MAP3K5: variants seen among roughly 807,000 people sequenced by gnomAD.
MAP3K5 encodes mitogen-activated protein kinase kinase kinase 5.
In MAP3K5, 56 loss-of-function variants were observed where a neutral mutation model predicts 158.7. The observed-to-expected ratio is 0.35, with a 90% confidence interval of 0.28 to 0.44. The LOEUF is 0.44. Ranked by LOEUF, MAP3K5 falls within the 20% of genes least tolerant of loss-of-function variation. The pLI is 1.00. For missense variants in MAP3K5, 1,294 were observed against 1,674.8 expected, an observed-to-expected ratio of 0.77 and a Z score of 3.97; for synonymous variants, 579 against 601.7, an observed-to-expected ratio of 0.96 and a Z score of 0.55.
chr6:136,574,863 G>A (rs1384373201), intron 25 of MAP3K5, among the ~76,000 whole-genome samples: 1 of 151,660 alleles, frequency 6.6e-6, no homozygotes, highest in African/African-American at 2.4e-5. Flanking sequence ...CTAATTTTTT[G>A]TATCTTTAGT....
At chr6:136,621,709 T>C (rs556986496) in intron 15 of MAP3K5, among the ~76,000 whole-genome samples, 1 of 152,318 alleles carries the variant, frequency 6.6e-6, no homozygotes, top group Non-Finnish European at 1.5e-5. Flanking sequence ...GGTACTCCAC[T>C]TCCCCTAGTT....
rs112178729 is a variant in MAP3K5, at chr6:136,622,912, C to A, written c.2086G>T (p.Ala696Ser). The part of the protein sequence containing the change: ...LGKGTYGIVY[A>S]GRDLSNQVRI... ...ACTTGGTTGCTCAAGTCCCGACCTG[C>A]GTAGACTATCCCATAAGTGCCTTTT... The change falls in exon 15 of 30, where the codon GCA becomes TCA. Residue 696 changes from alanine to serine, a missense_variant. Around this residue, in one of 5 missense-constraint regions of MAP3K5, gnomAD observed 690 missense variants for 870.5 expected, o/e 0.79. Transcript: ENST00000359015. 3.8e-6 allele frequency: 6 copies of A among 1,584,376 alleles called. No individual in the cohort carries two copies. The highest frequency in any genetic ancestry group is 5.2e-6 in the Non-Finnish European group (6 of 1,160,924).
intron 17 of MAP3K5, 96 bp from the exon 18 acceptor site, chr6:136,611,483 C>T (rs1002255219): frequency 1.6e-6 from 1 of 634,984 alleles, no homozygotes; most frequent in Non-Finnish European, 2.9e-6. Context: ...AAAAAGGTGT[C>T]CTTACAGCTA....
intron 14 of MAP3K5, among the ~76,000 whole-genome samples, chr6:136,635,540 A>G (rs1443729846): frequency 6.6e-6 from 1 of 152,094 alleles, no homozygotes; most frequent in East Asian, 1.9e-4. Context: ...TACAAATATC[A>G]AAGCTATACA....
intron 14 of MAP3K5, among the ~76,000 whole-genome samples, chr6:136,631,003 G>T (rs1356174108): frequency 6.6e-6 from 1 of 152,196 alleles, no homozygotes; most frequent in African/African-American, 2.4e-5. Context: ...GAAGGCTGAG[G>T]TGGGAGGATC....
chr6:136,654,424 T>C (rs1778654477), intron 10 of MAP3K5, among the ~76,000 whole-genome samples: 1 of 152,154 alleles, frequency 6.6e-6, no homozygotes, highest in South Asian at 2.1e-4. Flanking sequence ...TTTTTATTCT[T>C]CTTTTTATTT....
intron 18 of MAP3K5, 142 bp downstream of exon 18, chr6:136,611,140 A>AG (rs980933587): frequency 4.4e-6 from 2 of 455,780 alleles, no homozygotes; most frequent in African/African-American, 4.0e-5. Context: ...AAAAAGAAAG[A>AG]AAAGAAAAGA....
At chr6:136,663,530 A>C (rs1779095889) in intron 8 of MAP3K5, among the ~76,000 whole-genome samples, 1 of 129,864 alleles carries the variant, frequency 7.7e-6, no homozygotes. Context: ...AATGTCTCTT[A>C]TAGTTTTTTT....
intron 14 of MAP3K5, among the ~76,000 whole-genome samples, chr6:136,627,765 T>C (rs942971136): frequency 6.6e-6 from 1 of 152,186 alleles, no homozygotes; most frequent in African/African-American, 2.4e-5. Context: ...TCTGGAACTG[T>C]GAGCAAAGCA....
rs778936503 is a variant in MAP3K5 at position 136,592,331 on chromosome 6, C to T, written c.3067G>A (p.Glu1023Lys). 1.9e-6 allele frequency: 3 copies of T among 1,591,032 alleles called. No individual in the cohort carries two copies. The Admixed American group carries it at 5.4e-5, about 28-fold the overall frequency. ...IRTLFLGIPD[E>K]NFEDHSAPPS... ...GGAGCACTGTGATCTTCAAAATTCT[C>T]ATCTGGAATGCTGAGAAAATTTATG... The change falls in exon 23 of 30, where the codon GAG becomes AAG. Residue 1023 changes from glutamate to lysine, a missense_variant. By Grantham distance (56) the Glu-to-Lys change is moderately conservative. Transcript: ENST00000359015.
At chr6:136,783,508 T>C (rs1006450538) in intron 1 of MAP3K5, among the ~76,000 whole-genome samples, 2 of 152,214 alleles carry the variant, frequency 1.3e-5, no homozygotes, top group African/African-American at 4.8e-5. Context: ...GATATATTTT[T>C]CCCAAAGCTG....
chr6:136,699,130 C>CG (rs1273468679), intron 3 of MAP3K5, among the ~76,000 whole-genome samples: 1 of 152,154 alleles, frequency 6.6e-6, no homozygotes, highest in Non-Finnish European at 1.5e-5. Flanking sequence ...ATCCACCCCC[C>CG]GGGAGGCTGC....
chr6:136,560,412 A>G (rs913540267), intron 28 of MAP3K5, among the ~76,000 whole-genome samples: 1 of 152,086 alleles, frequency 6.6e-6, no homozygotes, highest in African/African-American at 2.4e-5. Flanking sequence ...CTGGCAGGCA[A>G]AGATTGCAGT....
intron 8 of MAP3K5, among the ~76,000 whole-genome samples, chr6:136,664,744 A>G (rs1403624777): frequency 6.6e-6 from 1 of 152,242 alleles, no homozygotes; most frequent in East Asian, 1.9e-4. Context: ...CAGCTTGGCC[A>G]ACATGGCAAA....
At chr6:136,685,400 G>A (rs796791746) in intron 7 of MAP3K5, among the ~76,000 whole-genome samples, 61 of 152,120 alleles carry the variant, frequency 4.0e-4, no homozygotes, top group African/African-American at 1.4e-3. Context: ...TAAAGCTATC[G>A]GAAAATAGAT....
At chr6:136,757,579 A>ATTTATTTTTTTTTTTTTTTTT (rs1562679137) in intron 1 of MAP3K5, among the ~76,000 whole-genome samples, 1 of 111,972 alleles carries the variant, frequency 8.9e-6, no homozygotes, top group Non-Finnish European at 2.0e-5. Flanking sequence ...TTATTTATTT[A>ATTTATTTTTTTTTTTTTTTTT]TTTTTTATTT....
intron 1 of MAP3K5, among the ~76,000 whole-genome samples, chr6:136,723,440 AT>A (rs1298187806): frequency 1.3e-5 from 2 of 152,186 alleles, no homozygotes; most frequent in Non-Finnish European, 2.9e-5. Flanking sequence ...ATCCATGTGC[AT>A]AAAAAATACC....
intron 27 of MAP3K5, among the ~76,000 whole-genome samples, chr6:136,562,060 A>G (rs2129068225): frequency 6.6e-6 from 1 of 152,354 alleles, no homozygotes; most frequent in Admixed American, 6.5e-5. Flanking sequence ...GTTTTCCTCT[A>G]AATGGGCTAA....
At chr6:136,759,482 A>ATATATATATATATATATATATATATATAT (rs1420942856) in intron 1 of MAP3K5, among the ~76,000 whole-genome samples, 31 of 142,006 alleles carry the variant, frequency 2.2e-4, no homozygotes, top group African/African-American at 3.4e-4. Context: ...ATATATATAT[A>ATATATATATATATATATATATATATATAT]AAGTTTGAGA....
Sources: allele counts gnomAD v4.1 joint callset (sites outside exome capture counted in the v4.1 genomes callset), GRCh38; gene constraint gnomAD v4.1.1; regional missense constraint gnomAD v4.1.1; transcripts MANE v1.5; gene names NCBI Gene and HGNC (gene_info 2026-07-23, HGNC 2026-07-21).